The following TMED8 variants were observed in gnomAD, a reference collection of about 807,000 sequenced individuals.
TMED8 encodes the protein transmembrane p24 trafficking protein family member 8.
A neutral mutation model predicts 32.7 loss-of-function variants in TMED8; 15 were observed. The observed-to-expected ratio is 0.46, with a 90% CI of 0.31 to 0.71. The LOEUF (loss-of-function observed/expected upper bound fraction) is 0.71. TMED8 is among the 30% of genes least tolerant of loss of function. TMED8 has a pLI of 0.06. For missense variants in TMED8, 390 were observed against 423.9 expected (o/e 0.92, Z 0.70); for synonymous variants, 147 against 161.4 (o/e 0.91, Z 0.68).
chr14:77,342,597 C>T (rs1385260408), intron 5 of TMED8, among the ~76,000 whole-genome samples: 2 of 152,140 alleles, frequency 1.3e-5, no homozygotes, highest in Non-Finnish European at 2.9e-5. Flanking sequence ...ATGCTTAGGA[C>T]CTACTCTTAC....
rs1893438526 is a variant in TMED8, at chr14:77,361,673, ATAT to A, written c.119-9925_119-9923del. ...TTTGGGTAGTATGAACATTTGAACA[ATAT>A]TAATTTTTCCAAATCATGAACACAG... On this transcript the variant is annotated intron_variant, in intron 1 of 5. Transcript: ENST00000216468. 4.0e-5 allele frequency among the ~76,000 whole-genome samples: 6 copies of A among 148,984 alleles called. No homozygotes were observed. In the South Asian group the frequency reaches 1.3e-3, roughly 32 times the overall value.
intron 1 of TMED8, among the ~76,000 whole-genome samples, chr14:77,374,314 T>C (rs928181867): frequency 6.6e-6 from 1 of 152,226 alleles, no homozygotes; most frequent in African/African-American, 2.4e-5. Context: ...AAATATAGTA[T>C]TTCCACACTG....
At chr14:77,370,138 C>T (rs888611883) in intron 1 of TMED8, among the ~76,000 whole-genome samples, 4 of 149,976 alleles carry the variant, frequency 2.7e-5, no homozygotes, top group African/African-American at 9.8e-5. Context: ...CACCACTGCA[C>T]TCCAGTCAAG....
chr14:77,364,390 T>C (rs1594851975), intron 1 of TMED8, among the ~76,000 whole-genome samples: 1 of 152,224 alleles, frequency 6.6e-6, no homozygotes, highest in South Asian at 2.1e-4. Context: ...ACCACAGGTA[T>C]GCATCACCAC....
chr14:77,353,431 TTTTC>T (rs368679423), intron 1 of TMED8, among the ~76,000 whole-genome samples: 193 of 148,592 alleles, frequency 1.3e-3, no homozygotes, highest in Non-Finnish European at 2.0e-3. Context: ...TTTTCTTTTC[TTTTC>T]TTTGTTTTTT....
chr14:77,358,990 C>A (rs1431738591), intron 1 of TMED8, among the ~76,000 whole-genome samples: 1 of 152,098 alleles, frequency 6.6e-6, no homozygotes, highest in Non-Finnish European at 1.5e-5. Context: ...TCAATGCAGT[C>A]TCAACCTCCC....
intron 1 of TMED8, among the ~76,000 whole-genome samples, chr14:77,363,248 TAAC>T (rs1222050386): frequency 2.0e-5 from 3 of 152,138 alleles, no homozygotes; most frequent in African/African-American, 2.4e-5. Flanking sequence ...ACTGAAATCA[TAAC>T]AAGTATTATT....
rs541413674 is a variant in TMED8 at position 77,336,338 on chromosome 14, C to CT, written c.*5432dup. 7 of 152,056 alleles carry CT rather than the reference C, an allele frequency of 4.6e-5. No individual in the cohort carries two copies. In the East Asian group the frequency reaches 1.4e-3, roughly 29 times the overall value. 9.4% of individuals were successfully genotyped at this position (152,056 alleles called of 1,614,324 possible). ...TAACTCTGGTCCACATACCTGGGGC[C>CT]TAAAAAAATCAGGTACATATAATAG... On this transcript the variant is annotated 3_prime_UTR_variant, in exon 6 of 6. Coordinates refer to ENST00000216468, the MANE Select transcript of TMED8 (RefSeq NM_213601.3).
In TMED8 at chr14:77,346,343, C is replaced by T; in HGVS notation, c.327+6G>A. The T allele has an allele frequency of 6.2e-7, 1 of 1,613,982 alleles. No homozygotes were observed. Among genetic ancestry groups the T allele is most frequent in the South Asian group, 1.1e-5 (1 of 91,072 alleles). On this transcript the variant is annotated splice_donor_region_variant and intron_variant, in intron 3 of 5. Coordinates refer to ENST00000216468, the MANE Select transcript of TMED8 (RefSeq NM_213601.3). ...TCATAAGAAAGAGCCAGAATCTGCC[C>T]CCTACCTCATTGAGGACCTGGGCCT...
chr14:77,346,760 G>GTTTTTTTTTTTT, intron 2 of TMED8, among the ~76,000 whole-genome samples: 6 of 69,440 alleles, frequency 8.6e-5, no homozygotes, highest in African/African-American at 1.1e-4. Context: ...TGCTGGTCTG[G>GTTTTTTTTTTTT]TTTTTTTTTT....
intron 1 of TMED8, among the ~76,000 whole-genome samples, chr14:77,354,443 CTAA>C (rs1195533663): frequency 2.0e-5 from 3 of 152,106 alleles, no homozygotes; most frequent in Non-Finnish European, 2.9e-5. Flanking sequence ...TGAAATTATA[CTAA>C]TAATGCTTTG....
At position 77,376,748 on chromosome 14, in the gene TMED8, G is replaced by A; in HGVS notation, c.118+188C>T. On this transcript the variant is annotated intron_variant, in intron 1 of 5. Coordinates refer to ENST00000216468, the MANE Select transcript of TMED8 (RefSeq NM_213601.3). This position sits in a 1 kb window ranked among gnomAD's most constrained non-coding sequence, Gnocchi z 4.0. ...AGGCATTTCGAAACAGGAGTGAGTAGAAAATAACCTCGAGCCCAGGGCCCG... is the reference window on the plus strand; with the variant it reads ...AGGCATTTCGAAACAGGAGTGAGTAAAAAATAACCTCGAGCCCAGGGCCCG... 1 of 358,628 alleles carries A rather than the reference G, an allele frequency of 2.8e-6. No homozygotes were observed. The highest frequency in any genetic ancestry group is 5.0e-6 in the Non-Finnish European group (1 of 201,092). 22.2% of individuals were successfully genotyped at this position (358,628 alleles called of 1,614,324 possible).
At chr14:77,346,888 A>C (rs1362382850) in intron 2 of TMED8, among the ~76,000 whole-genome samples, 1 of 151,612 alleles carries the variant, frequency 6.6e-6, no homozygotes, top group Non-Finnish European at 1.5e-5. Context: ...AAAATGATTA[A>C]ATTGAGCTAA....
chr14:77,352,505 G>A (rs1446588650), intron 1 of TMED8, among the ~76,000 whole-genome samples: 2 of 152,038 alleles, frequency 1.3e-5, no homozygotes, highest in Non-Finnish European at 2.9e-5. Context: ...TTGGGAGGCC[G>A]AGGTGGGCGG....
At chr14:77,343,535 C>T (rs1262636042) in intron 4 of TMED8, 52 bp from the exon 5 acceptor site, 1 of 1,595,724 alleles carries the variant, frequency 6.3e-7, no homozygotes, top group Non-Finnish European at 8.6e-7. Context: ...ACATGAGTAC[C>T]CCGGGCATTT....
chr14:77,346,408 C>T lies in TMED8; in HGVS notation c.268G>A (p.Ala90Thr). 2 of 1,614,162 alleles carry T rather than the reference C, an allele frequency of 1.2e-6. No homozygotes were observed. The highest frequency in any genetic ancestry group is 2.2e-5 in the South Asian group (2 of 91,088). Residue 90 changes from alanine to threonine, a missense_variant, in exon 3 of 6, where the codon GCT becomes ACT. By Grantham distance (58) the Ala-to-Thr change is moderately conservative. Coordinates refer to ENST00000216468, the MANE Select transcript of TMED8 (RefSeq NM_213601.3). ...AAATCCTGTTTCACCAAGGCCTGAG[C>T]CTCCAAAGGACCAGTTGCTTTCCGC... ...DLRKATGPLE[A>T]QALVKQDLLP...
At chr14:77,353,552 G>C (rs1893228735) in intron 1 of TMED8, among the ~76,000 whole-genome samples, 1 of 149,378 alleles carries the variant, frequency 6.7e-6, no homozygotes, top group Admixed American at 6.7e-5. Context: ...CCAGGTTCAA[G>C]CGATCCTCTC....
rs1892971040 is a variant in TMED8, at chr14:77,343,906, CT to C, written c.328-84del. 3.4e-6 allele frequency: 5 copies of C among 1,462,878 alleles called. No individual in the cohort carries two copies. In the East Asian group the frequency reaches 1.2e-4, roughly 34 times the overall value. 90.6% of individuals were successfully genotyped at this position (1,462,878 alleles called of 1,614,324 possible). On this transcript the variant is annotated intron_variant, in intron 3 of 5. Coordinates refer to ENST00000216468, the MANE Select transcript of TMED8 (RefSeq NM_213601.3). ...TTTTTGCATGAAGGCTGCCCCACCCCTGCTCTATTATCTCCACTATCCCCAC... is the reference window on the plus strand; with the variant it reads ...TTTTTGCATGAAGGCTGCCCCACCCCGCTCTATTATCTCCACTATCCCCAC...
At position 77,340,416 on chromosome 14, in the gene TMED8, AATT is replaced by A. The variant is rs1193009303; in HGVS notation, c.*1352_*1354del. 1.3e-5 allele frequency: 2 copies of A among 152,246 alleles called. No homozygotes were observed. Among genetic ancestry groups the A allele is most frequent in the Non-Finnish European group, 1.5e-5 (1 of 68,038 alleles). 9.4% of individuals were successfully genotyped at this position (152,246 alleles called of 1,614,324 possible). ...AATAAATACAGTAATAAATAAATCT[AATT>A]ATTCTTCAGAATTCGTAGGCAGTAA... On this transcript the variant is annotated 3_prime_UTR_variant, in exon 6 of 6. Coordinates refer to ENST00000216468, the MANE Select transcript of TMED8 (RefSeq NM_213601.3).
Sources: allele counts gnomAD v4.1 joint callset (sites outside exome capture counted in the v4.1 genomes callset), GRCh38; gene constraint gnomAD v4.1.1; non-coding constraint Gnocchi (gnomAD v3.1); transcripts MANE v1.5; gene names NCBI Gene and HGNC (gene_info 2026-07-23, HGNC 2026-07-21).